ROCK2: variants seen among roughly 807,000 people sequenced by gnomAD.
ROCK2 encodes rho-associated protein kinase 2.
ROCK2 carries 61 observed loss-of-function variants against 195.1 expected under a neutral mutation model. That is an observed-to-expected ratio of 0.31 (90% CI 0.25 to 0.39). ROCK2 has a LOEUF of 0.39. Among genes scored for constraint, ROCK2 ranks in the 10% least tolerant of loss-of-function variants. The pLI is 1.00. For synonymous variants in ROCK2, 504 were observed against 545.5 expected (o/e 0.92, Z 1.06); for missense variants, 1,109 against 1,637.4 (o/e 0.68, Z 5.57).
intron 17 of ROCK2, among the ~76,000 whole-genome samples, 191 bp from the exon 18 acceptor site, chr2:11,212,031 A>G (rs1346413055): frequency 1.3e-5 from 2 of 151,592 alleles, no homozygotes; most frequent in Non-Finnish European, 2.9e-5. Context: ...CTTGGCCTCC[A>G]AAGTAGCTGG....
upstream of ROCK2, among the ~76,000 whole-genome samples, chr2:11,344,947 C>T (rs1669252951): frequency 4.0e-5 from 6 of 150,780 alleles, 1 homozygote; most frequent in South Asian, 1.2e-3. The surrounding 1 kb of genome is among the most constrained non-coding windows in gnomAD (Gnocchi z 5.4). Flanking sequence ...TCCCGCCGGA[C>T]CCCGCGGACT....
At position 11,344,336 on chromosome 2, in the gene ROCK2, A is replaced by G. The variant is rs745706111; in HGVS notation, c.-200T>C. The G allele has an allele frequency of 0.048, 55,220 of 1,149,246 alleles. 1,658 individuals carry two copies. Among genetic ancestry groups the G allele is most frequent in the Non-Finnish European group, 0.052 (47,803 of 927,880 alleles). The allele number at this position is 1,149,246 out of a possible 1,614,324, so 71.2% of individuals were successfully genotyped here. ...GGGCCCGCCCGGCCCAGCCCGGCCC[A>G]GCCCGGCCCGGCCCTGCCGGGAGCG... On this transcript the variant is annotated 5_prime_UTR_variant, in exon 1 of 33. Transcript: ENST00000315872. The surrounding 1 kb of genome is among the most constrained non-coding windows in gnomAD (Gnocchi z 5.4).
intron 1 of ROCK2, among the ~76,000 whole-genome samples, chr2:11,329,194 A>G (rs995050016): frequency 2.6e-5 from 4 of 152,134 alleles, no homozygotes; most frequent in African/African-American, 9.7e-5. Context: ...TTAAGAAAAA[A>G]ATTCATTTTA....
At chr2:11,221,153 T>G in intron 9 of ROCK2, 45 bp downstream of exon 9, 1 of 1,405,332 alleles carries the variant, frequency 7.1e-7, no homozygotes, top group Non-Finnish European at 9.5e-7. Flanking sequence ...ATCTTATAGC[T>G]AGATTCTAAA....
chr2:11,208,283 T>C lies in ROCK2; in HGVS notation c.2364+4A>G. ...TATTAATCATTAGTACACTTAATAC[T>C]TACATCCTCATTTAGCACATCTTTC... On this transcript the variant is annotated splice_donor_region_variant and intron_variant, in intron 19 of 32. Coordinates refer to ENST00000315872, the MANE Select transcript of ROCK2 (RefSeq NM_004850.5). 7.1e-7 allele frequency: 1 copy of C among 1,407,644 alleles called. No individual in the cohort carries two copies. The highest frequency in any genetic ancestry group is 9.4e-7 in the Non-Finnish European group (1 of 1,059,768). The allele number at this position is 1,407,644 out of a possible 1,614,324, so 87.2% of individuals were successfully genotyped here. A position where few individuals can be genotyped will look rare whatever the true frequency, so the allele number is the denominator to read the frequency against.
In ROCK2 at chr2:11,200,965, T is replaced by C. The variant is rs1387079391; in HGVS notation, c.2902A>G (p.Ile968Val). The C allele has an allele frequency of 5.0e-6, 8 of 1,595,128 alleles. No individual in the cohort carries two copies. Among genetic ancestry groups the C allele is most frequent in the Non-Finnish European group, 6.0e-6 (7 of 1,173,784 alleles). Residue 968 changes from isoleucine (I) to valine (V), a missense_variant, in exon 23 of 33, where the codon ATT becomes GTT. Ile to Val is a conservative substitution (Grantham distance 29). Around this residue, in one of 6 missense-constraint regions of ROCK2, gnomAD observed 542 missense variants for 672.0 expected, o/e 0.81. Transcript: ENST00000315872. Reference protein sequence around the residue: ...KQELTEKDATIASLEETNRTL... With the variant: ...KQELTEKDATVASLEETNRTL... Reference sequence around the variant, plus strand: ...CCAAGAATTTGACTTACAGAAGCAATTGTAGCATCTTTTTCCGTAAGTTCC... The same window carrying C: ...CCAAGAATTTGACTTACAGAAGCAACTGTAGCATCTTTTTCCGTAAGTTCC...
chr2:11,336,622 G>A (rs1668936685), intron 1 of ROCK2, among the ~76,000 whole-genome samples: 1 of 152,178 alleles, frequency 6.6e-6, no homozygotes, highest in African/African-American at 2.4e-5. Context: ...TAGCTACTAA[G>A]GTGGTAGAAA....
chr2:11,290,578 A>G (rs1667331727), intron 1 of ROCK2, among the ~76,000 whole-genome samples: 1 of 152,230 alleles, frequency 6.6e-6, no homozygotes, highest in Non-Finnish European at 1.5e-5. Context: ...TGACAGGAGA[A>G]CATTTGAAAA....
chr2:11,269,079 T>C (rs762914669), intron 3 of ROCK2, among the ~76,000 whole-genome samples: 4 of 152,362 alleles, frequency 2.6e-5, no homozygotes, highest in Middle Eastern at 3.4e-3. Context: ...ATTGTACTTT[T>C]CAGCTCTAGA....
chr2:11,325,016 CTT>C (rs1457862252), intron 1 of ROCK2, among the ~76,000 whole-genome samples: 1 of 152,222 alleles, frequency 6.6e-6, no homozygotes, highest in African/African-American at 2.4e-5. Context: ...ACTTGAAACA[CTT>C]TTCTAAGGAA....
At chr2:11,313,917 C>T (rs925332245) in intron 1 of ROCK2, among the ~76,000 whole-genome samples, 2 of 151,736 alleles carry the variant, frequency 1.3e-5, no homozygotes, top group African/African-American at 2.4e-5. Flanking sequence ...ATTATAAAAA[C>T]ATTTAACACT....
At chr2:11,231,494 C>T (rs1665009841) in intron 5 of ROCK2, among the ~76,000 whole-genome samples, 1 of 152,134 alleles carries the variant, frequency 6.6e-6, no homozygotes, top group Non-Finnish European at 1.5e-5. Flanking sequence ...AGGCATGAGC[C>T]ATCGTGCCTG....
chr2:11,283,746 A>G (rs1404000348), intron 3 of ROCK2, among the ~76,000 whole-genome samples: 2 of 152,240 alleles, frequency 1.3e-5, no homozygotes, highest in Non-Finnish European at 2.9e-5. Flanking sequence ...GTCAGTTATA[A>G]CAGCGACAAG....
At chr2:11,342,966 C>T (rs747699040) in intron 1 of ROCK2, among the ~76,000 whole-genome samples, 6 of 152,220 alleles carry the variant, frequency 3.9e-5, no homozygotes, top group African/African-American at 1.4e-4. Flanking sequence ...AGGGAGGAGG[C>T]AGTTTTTCTC....
chr2:11,201,353 C>T lies in ROCK2; in HGVS notation c.2680G>A (p.Gly894Ser). 1 of 1,613,206 alleles carries T rather than the reference C, an allele frequency of 6.2e-7. No homozygotes were observed. The highest frequency in any genetic ancestry group is 1.1e-5 in the South Asian group (1 of 91,052). The change falls in exon 22 of 33, where the codon GGT becomes AGT. Residue 894 changes from glycine (G) to serine (S), a missense_variant. Around this residue, in one of 6 missense-constraint regions of ROCK2, gnomAD observed 542 missense variants for 672.0 expected, o/e 0.81. Transcript: ENST00000315872. The surrounding 1 kb of genome is among the most constrained non-coding windows in gnomAD (Gnocchi z 4.6). The stretch of plus-strand genomic sequence containing the variant: ...TGTTTCTTCTGCTGCAATTCTTTAC[C>T]AAGTTTGGTCTTTTCTTCACATTCT... The part of the protein sequence containing the change: ...KEECEEKTKL[G>S]KELQQKKQEL...
intron 17 of ROCK2, among the ~76,000 whole-genome samples, chr2:11,213,131 C>T (rs149056545): frequency 1.3e-5 from 2 of 152,284 alleles, no homozygotes; most frequent in African/African-American, 4.8e-5. Context: ...ATTTTTCCAA[C>T]CTTTTAATGG....
chr2:11,233,989 T>C (rs1665115406), intron 5 of ROCK2: 1 of 152,156 alleles, frequency 6.6e-6, no homozygotes, highest in African/African-American at 2.4e-5. Flanking sequence ...CAGTAAACCG[T>C]GCTCACTTAG....
At position 11,217,258 on chromosome 2, in the gene ROCK2, C is replaced by T. The variant is rs562429450; in HGVS notation, c.1333-89G>A. 27 of 758,706 alleles carry T rather than the reference C, an allele frequency of 3.6e-5. No individual in the cohort carries two copies. In the African/African-American group the frequency reaches 4.5e-4, roughly 13 times the overall value. 47.0% of individuals were successfully genotyped at this position (758,706 alleles called of 1,614,324 possible). A position where few individuals can be genotyped will look rare whatever the true frequency, so the allele number is the denominator to read the frequency against. On this transcript the variant is annotated intron_variant, in intron 11 of 32. Transcript: ENST00000315872. ...GAAAACAATGATAAGCTTATTTTGT[C>T]TTTCCACTAAACATAATGTCCTCTA...
chr2:11,338,575 T>G (rs1669005348), intron 1 of ROCK2, among the ~76,000 whole-genome samples: 1 of 152,308 alleles, frequency 6.6e-6, no homozygotes, highest in South Asian at 2.1e-4. Flanking sequence ...TAAAAAGGAC[T>G]GTGCGTCGTC....
Sources: gnomAD v4.1 joint callset for allele counts (sites outside exome capture counted in the v4.1 genomes callset) on GRCh38, gnomAD v4.1.1 for gene constraint, gnomAD v4.1.1 regional missense constraint, Gnocchi (gnomAD v3.1) non-coding constraint, MANE v1.5 for transcripts, NCBI Gene and HGNC (gene_info 2026-07-23, HGNC 2026-07-21) for gene names.